The following ATXN1 variants were observed in gnomAD, a reference collection of about 807,000 sequenced individuals.
ATXN1 encodes ataxin-1.
A neutral mutation model predicts 56.4 loss-of-function variants in ATXN1; 8 were observed. That is an observed-to-expected ratio of 0.14 (90% confidence interval 0.08 to 0.26). The LOEUF (loss-of-function observed/expected upper bound fraction) is 0.26. Among genes scored for constraint, ATXN1 ranks in the 10% least tolerant of loss-of-function variants. The pLI is 1.00. For synonymous variants in ATXN1, 514 were observed against 494.6 expected (o/e 1.04, Z -0.52); for missense variants, 987 against 1,106.5 (o/e 0.89, Z 1.53).
intron 2 of ATXN1, among the ~76,000 whole-genome samples, chr6:16,730,483 G>GTATATATATATATATATATA (rs1283942311): frequency 1.0e-3 from 76 of 74,510 alleles, no homozygotes; most frequent in African/African-American, 3.3e-3. Context: ...GGGTAAAACA[G>GTATATATATATATATATATA]TATGTATATA....
At chr6:16,559,993 AGACG>A (rs1161190701) in intron 4 of ATXN1, among the ~76,000 whole-genome samples, 1 of 152,150 alleles carries the variant, frequency 6.6e-6, no homozygotes. Flanking sequence ...CCATCACAGG[AGACG>A]GGACCACCTC....
At chr6:16,544,390 C>T (rs1034690029) in intron 4 of ATXN1, among the ~76,000 whole-genome samples, 7 of 152,134 alleles carry the variant, frequency 4.6e-5, no homozygotes, top group African/African-American at 1.4e-4. Flanking sequence ...GGTCTTTATC[C>T]GCAGGTCGGG....
intron 6 of ATXN1, among the ~76,000 whole-genome samples, chr6:16,383,968 A>G (rs1231991475): frequency 6.6e-6 from 1 of 152,230 alleles, no homozygotes; most frequent in African/African-American, 2.4e-5. Context: ...GCCACTTCTT[A>G]CCAGCAAGGT....
At chr6:16,626,120 GTAC>G (rs1763402248) in intron 3 of ATXN1, among the ~76,000 whole-genome samples, 1 of 152,166 alleles carries the variant, frequency 6.6e-6, no homozygotes, top group African/African-American at 2.4e-5. Context: ...CCAGTGCCTA[GTAC>G]AACGCCTGAC....
chr6:16,507,762 C>T (rs1761007714), intron 5 of ATXN1, among the ~76,000 whole-genome samples: 1 of 152,116 alleles, frequency 6.6e-6, no homozygotes, highest in Admixed American at 6.6e-5. Flanking sequence ...AGCCACCTAA[C>T]AGAACTGTTT....
At chr6:16,394,538 C>A (rs1420010551) in intron 6 of ATXN1, among the ~76,000 whole-genome samples, 3 of 152,016 alleles carry the variant, frequency 2.0e-5, no homozygotes, top group African/African-American at 7.2e-5. Context: ...CACTTCAAAC[C>A]TTTATCAGTT....
chr6:16,689,406 T>A (rs2113414734), intron 2 of ATXN1, among the ~76,000 whole-genome samples: 2 of 152,114 alleles, frequency 1.3e-5, no homozygotes, highest in Middle Eastern at 6.8e-3. Context: ...CACAAACTCC[T>A]GGGCCCATGG....
chr6:16,499,471 C>T (rs896147191), intron 5 of ATXN1, among the ~76,000 whole-genome samples: 4 of 152,178 alleles, frequency 2.6e-5, no homozygotes, highest in Non-Finnish European at 4.4e-5. Flanking sequence ...AGCCATGATG[C>T]TGAGCTTTCA....
At chr6:16,424,194 C>CT (rs1414723319) in intron 6 of ATXN1, among the ~76,000 whole-genome samples, 3 of 152,112 alleles carry the variant, frequency 2.0e-5, no homozygotes, top group Non-Finnish European at 4.4e-5. Context: ...GATTTTGTTT[C>CT]TTTTGTCATG....
At chr6:16,419,415 A>G (rs573970444) in intron 6 of ATXN1, among the ~76,000 whole-genome samples, 1 of 151,994 alleles carries the variant, frequency 6.6e-6, no homozygotes, top group East Asian at 1.9e-4. Flanking sequence ...TGGTAATCAT[A>G]TACTCTTTGT....
intron 2 of ATXN1, among the ~76,000 whole-genome samples, chr6:16,697,099 G>C (rs1759180966): frequency 6.6e-6 from 1 of 152,204 alleles, no homozygotes; most frequent in Non-Finnish European, 1.5e-5. Context: ...GTAACAGAGT[G>C]TTAGTATTAG....
intron 3 of ATXN1, among the ~76,000 whole-genome samples, chr6:16,607,780 T>C (rs1225039994): frequency 5.3e-5 from 8 of 152,182 alleles, no homozygotes; most frequent in Admixed American, 3.9e-4. Context: ...CTCTAAGAAA[T>C]TGATCACAGA....
At chr6:16,605,652 T>C (rs184113028) in intron 3 of ATXN1, among the ~76,000 whole-genome samples, 1 of 152,182 alleles carries the variant, frequency 6.6e-6, no homozygotes, top group Non-Finnish European at 1.5e-5. Flanking sequence ...ATATGATACT[T>C]AGAAGAACTA....
chr6:16,560,002 C>T (rs1762086360), intron 4 of ATXN1, among the ~76,000 whole-genome samples: 1 of 152,166 alleles, frequency 6.6e-6, no homozygotes, highest in Non-Finnish European at 1.5e-5. Flanking sequence ...GAGACGGGAC[C>T]ACCTCCAAGA....
intron 3 of ATXN1, chr6:16,615,151 T>C (rs1000925751): frequency 3.4e-5 from 5 of 147,654 alleles, no homozygotes; most frequent in African/African-American, 1.2e-4. Context: ...GGATGCTACA[T>C]GTGCCTTAAT....
intron 3 of ATXN1, among the ~76,000 whole-genome samples, chr6:16,636,508 C>G (rs73725209): frequency 6.6e-6 from 1 of 152,076 alleles, no homozygotes; most frequent in Non-Finnish European, 1.5e-5. Context: ...TGGCCACTCC[C>G]CACTTTGTGG....
intron 6 of ATXN1, among the ~76,000 whole-genome samples, chr6:16,439,736 G>C: frequency 6.6e-6 from 1 of 152,150 alleles, no homozygotes; most frequent in Non-Finnish European, 1.5e-5. Flanking sequence ...GTTTAATCCA[G>C]AGGCATAGTA....
chr6:16,502,613 C>T (rs1397256480), intron 5 of ATXN1, among the ~76,000 whole-genome samples: 1 of 152,152 alleles, frequency 6.6e-6, no homozygotes, highest in Non-Finnish European at 1.5e-5. Flanking sequence ...TGCTATTTCC[C>T]ACAAAGTTCA....
At chr6:16,431,189 G>A (rs1241562883) in intron 6 of ATXN1, among the ~76,000 whole-genome samples, 1 of 152,102 alleles carries the variant, frequency 6.6e-6, no homozygotes, top group African/African-American at 2.4e-5. Flanking sequence ...TTAAATCCAA[G>A]CATACCAGGT....
Sources: allele counts gnomAD v4.1 joint callset (sites outside exome capture counted in the v4.1 genomes callset), GRCh38; gene constraint gnomAD v4.1.1; transcripts MANE v1.5; gene names NCBI Gene and HGNC (gene_info 2026-07-23, HGNC 2026-07-21).